The following ALK variants were observed in gnomAD, a reference collection of about 807,000 sequenced individuals.
The protein encoded by ALK is ALK tyrosine kinase receptor.
A neutral mutation model predicts 163.1 loss-of-function variants in ALK; 74 were observed. The ratio of observed to expected loss-of-function variants is 0.45; its 90% CI spans 0.38 to 0.55. The LOEUF (loss-of-function observed/expected upper bound fraction) is 0.55, where lower values mean the gene tolerates loss of function less well. ALK is among the 20% of genes least tolerant of loss of function. ALK has a pLI of 0.00. For synonymous variants in ALK, 960 were observed against 843.2 expected, an observed-to-expected ratio of 1.14 and a Z score of -2.40; for missense variants, 2,063 against 2,105.3, an observed-to-expected ratio of 0.98 and a Z score of 0.39.
rs1175114589 is a variant in ALK at position 29,448,115 on chromosome 2, C to G, written c.1155-64256G>C. On this transcript the variant is annotated intron_variant, in intron 4 of 28. Transcript: ENST00000389048. ...TGGCGCTTGCTAAAATATTTCAAAG[C>G]TATACCATACTGACTTTTTTTCCTT... is the stretch of plus-strand genomic sequence containing the variant. Among the ~76,000 whole-genome samples, 22 of 152,322 alleles carry G rather than the reference C, an allele frequency of 1.4e-4. 1 individual carries two copies. In the East Asian group the frequency reaches 3.9e-3, roughly 27 times the overall value.
intron 3 of ALK, among the ~76,000 whole-genome samples, chr2:29,562,057 C>CA (rs372342339): frequency 9.1e-4 from 139 of 152,266 alleles, no homozygotes; most frequent in African/African-American, 3.3e-3. Context: ...TCCAGCAGGC[C>CA]AAGCAAAGTT....
At chr2:29,390,161 G>A (rs1010930228) in intron 4 of ALK, among the ~76,000 whole-genome samples, 1 of 152,142 alleles carries the variant, frequency 6.6e-6, no homozygotes, top group Non-Finnish European at 1.5e-5. Flanking sequence ...GTTAGAAACT[G>A]TTTTTCCGAG....
chr2:29,608,230 A>T (rs1204223354), intron 3 of ALK, among the ~76,000 whole-genome samples: 1 of 152,052 alleles, frequency 6.6e-6, no homozygotes, highest in African/African-American at 2.4e-5. Context: ...ACCTATTACC[A>T]TTTGATATAT....
intron 11 of ALK, among the ~76,000 whole-genome samples, chr2:29,253,895 G>C (rs922259679): frequency 6.8e-6 from 1 of 147,288 alleles, no homozygotes; most frequent in Admixed American, 6.7e-5. Context: ...TAGATAGATA[G>C]GTAGATAGCT....
At chr2:29,505,624 C>T (rs1672297759) in intron 4 of ALK, among the ~76,000 whole-genome samples, 1 of 151,960 alleles carries the variant, frequency 6.6e-6, no homozygotes, top group Non-Finnish European at 1.5e-5. Flanking sequence ...TCCTGGTTGT[C>T]CCAGGCCCTG....
At chr2:29,597,582 A>T (rs1025801071) in intron 3 of ALK, among the ~76,000 whole-genome samples, 5 of 152,210 alleles carry the variant, frequency 3.3e-5, no homozygotes, top group African/African-American at 9.6e-5. Flanking sequence ...AGGGAAGAAA[A>T]AACCTGACAA....
At chr2:29,904,476 C>CA (rs1270145452) in intron 1 of ALK, among the ~76,000 whole-genome samples, 1 of 151,904 alleles carries the variant, frequency 6.6e-6, no homozygotes, top group African/African-American at 2.4e-5. Context: ...AAGGAAGCCA[C>CA]AAAAAATAAT....
At chr2:29,264,426 C>T (rs1322777798) in intron 11 of ALK, among the ~76,000 whole-genome samples, 3 of 152,178 alleles carry the variant, frequency 2.0e-5, no homozygotes, top group Non-Finnish European at 2.9e-5. Flanking sequence ...GCTTGGCCAC[C>T]ACCACCCCTG....
chr2:29,291,695 G>A (rs1666027625), intron 9 of ALK, among the ~76,000 whole-genome samples: 1 of 152,210 alleles, frequency 6.6e-6, no homozygotes, highest in South Asian at 2.1e-4. Context: ...TTATCAGGAT[G>A]CTGTGATTCA....
chr2:29,193,812 C>T lies in ALK; in HGVS notation c.4275G>A (p.Leu1425=), dbSNP rs749418931. 1.2e-4 allele frequency: 190 copies of T among 1,603,090 alleles called. No individual in the cohort carries two copies. The highest frequency in any genetic ancestry group is 1.5e-4 in the Non-Finnish European group (175 of 1,174,822). ...CCTCCCGTTTTGCCTGTTGAGAGAC[C>T]AGGAGAGGAGGAACCCCCTCAGGGT... The part of the protein sequence containing the change: ...PKDPEGVPPL[L]VSQQAKREEE... The change falls in exon 29 of 29, where the codon CTG becomes CTA. Residue 1425 remains leucine (L), a synonymous_variant. Coordinates refer to ENST00000389048, the MANE Select transcript of ALK (RefSeq NM_004304.5).
At chr2:29,379,799 C>T (rs941797475) in intron 5 of ALK, among the ~76,000 whole-genome samples, 15 of 151,936 alleles carry the variant, frequency 9.9e-5, no homozygotes, top group Admixed American at 2.6e-4. Flanking sequence ...TTCAAGTCTG[C>T]GTATATGAAG....
chr2:29,740,660 T>C (rs1335021078), intron 1 of ALK, among the ~76,000 whole-genome samples: 6 of 152,198 alleles, frequency 3.9e-5, no homozygotes, highest in Non-Finnish European at 7.4e-5. Flanking sequence ...AAAATTTATT[T>C]AATTGTGGTA....
chr2:29,457,727 C>T (rs139058369), intron 4 of ALK, among the ~76,000 whole-genome samples: 102 of 152,228 alleles, frequency 6.7e-4, no homozygotes, highest in South Asian at 6.4e-3. Flanking sequence ...TATCAAGAGT[C>T]TACTATTTGT....
At chr2:29,797,362 T>C (rs1025359967) in intron 1 of ALK, among the ~76,000 whole-genome samples, 6 of 152,226 alleles carry the variant, frequency 3.9e-5, no homozygotes, top group African/African-American at 1.4e-4. Context: ...TCAAAGATTT[T>C]TTTCAAATGC....
chr2:29,536,918 A>G (rs561894337), intron 3 of ALK, among the ~76,000 whole-genome samples: 30 of 152,362 alleles, frequency 2.0e-4, no homozygotes, highest in African/African-American at 7.2e-4. Context: ...GTTGAACTTA[A>G]GAGTGATAAC....
chr2:29,536,299 A>T (rs1211588293), intron 3 of ALK, among the ~76,000 whole-genome samples: 1 of 152,090 alleles, frequency 6.6e-6, no homozygotes, highest in Non-Finnish European at 1.5e-5. Flanking sequence ...TCCCCTTGGT[A>T]TATGTGAGTT....
chr2:29,465,025 A>C (rs1251624257), intron 4 of ALK, among the ~76,000 whole-genome samples: 1 of 152,240 alleles, frequency 6.6e-6, no homozygotes, highest in Admixed American at 6.5e-5. Context: ...AAATAATAGC[A>C]CAAAGATTTC....
At chr2:29,655,346 T>C (rs1677155529) in intron 3 of ALK, among the ~76,000 whole-genome samples, 1 of 152,144 alleles carries the variant, frequency 6.6e-6, no homozygotes, top group Non-Finnish European at 1.5e-5. Context: ...CTTTATAATT[T>C]TGGGAAGATG....
intron 1 of ALK, among the ~76,000 whole-genome samples, chr2:29,919,683 G>A (rs796738354): frequency 6.6e-6 from 1 of 152,156 alleles, no homozygotes; most frequent in South Asian, 2.1e-4. Context: ...CTGTCCCGGG[G>A]CCCAGGAAGA....
Sources: gnomAD v4.1 joint callset for allele counts (sites outside exome capture counted in the v4.1 genomes callset) on GRCh38, gnomAD v4.1.1 for gene constraint, MANE v1.5 for transcripts, NCBI Gene and HGNC (gene_info 2026-07-23, HGNC 2026-07-21) for gene names.